Variants in CSF1R observed in about 807,000 individuals in gnomAD.
CSF1R encodes the protein macrophage colony-stimulating factor 1 receptor.
Under a neutral mutation model 110.0 loss-of-function variants are expected in CSF1R, and 40 were observed. The ratio of observed to expected loss-of-function variants is 0.36; its 90% CI spans 0.28 to 0.47. CSF1R has a LOEUF of 0.47. Ranked by LOEUF, CSF1R falls within the 20% of genes least tolerant of loss-of-function variation. CSF1R has a pLI of 0.99. For missense variants in CSF1R, 1,052 were observed against 1,253.0 expected, an observed-to-expected ratio of 0.84 and a Z score of 2.42; for synonymous variants, 523 against 503.4, an observed-to-expected ratio of 1.04 and a Z score of -0.52.
At position 150,100,290 on chromosome 5, in the gene CSF1R, C is replaced by CTTTTTTTTT. The variant is rs752638971; in HGVS notation, c.-181+12962_-181+12970dup. ...AGTGAACCTAAGATCATTGGCTAAC[C>CTTTTTTTTT]TTTTTTTTTTTTTTTTTTTTTTTCT... is the stretch of plus-strand genomic sequence containing the variant. On this transcript the variant is annotated intron_variant, in intron 1 of 21. Coordinates refer to the CSF1R transcript ENST00000286301. Among the ~76,000 whole-genome samples, 194 of 89,378 alleles carry CTTTTTTTTT rather than the reference C, an allele frequency of 2.2e-3. 39 individuals are homozygous for CTTTTTTTTT. Among genetic ancestry groups the CTTTTTTTTT allele is most frequent in the Non-Finnish European group, 2.6e-3 (124 of 48,172 alleles). 58.6% of individuals were successfully genotyped at this position (89,378 alleles called of 152,430 possible).
intron 1 of CSF1R, among the ~76,000 whole-genome samples, chr5:150,111,145 C>T (rs200210070): frequency 8.4e-4 from 128 of 152,310 alleles, no homozygotes; most frequent in African/African-American, 2.9e-3. Context: ...CTGTTAGAGA[C>T]GGTGCCCTGA....
rs1440423597 is a variant in CSF1R at position 150,097,423 on chromosome 5, AAAG to A, written c.-180-10819_-180-10817del. On this transcript the variant is annotated intron_variant, in intron 1 of 21. Coordinates refer to the CSF1R transcript ENST00000286301. ...AAGAAGAAAGAAAGAAAAAAGAAAG[AAAG>A]AAAAGAAGAAGAAAGAAAAAAGAAA... 5.3e-5 allele frequency among the ~76,000 whole-genome samples: 8 copies of A among 151,998 alleles called. No individual in the cohort carries two copies. In the South Asian group the frequency reaches 1.5e-3, roughly 28 times the overall value.
chr5:150,054,332 C>T lies in CSF1R; in HGVS notation c.2753G>A (p.Arg918Lys). The T allele has an allele frequency of 6.2e-7, 1 of 1,614,180 alleles. No individual in the cohort carries two copies. Residue 918 changes from arginine to lysine, a missense_variant, in exon 20 of 21, where the codon AGG becomes AAG. Arg to Lys is a conservative substitution (Grantham distance 26). Transcript: ENST00000675795. ...CCTCACCCCACTCACCCGCTCTCTC[C>T]TGTCCTCTTGGGCCTGCTCCTGAAG... ...SFLQEQAQED[R>K]RERDYTNLPS... is the part of the protein sequence containing the mutation.
chr5:150,069,597 TGAGTTA>T (rs1757937573), intron 9 of CSF1R, among the ~76,000 whole-genome samples: 1 of 151,838 alleles, frequency 6.6e-6, no homozygotes, highest in South Asian at 2.1e-4. Flanking sequence ...AATAGATGCA[TGAGTTA>T]GAGTGCAGGG....
At position 150,078,231 on chromosome 5, in the gene CSF1R, C is replaced by G. The variant is rs201523105; in HGVS notation, c.610G>C (p.Ala204Pro). 5 of 1,614,092 alleles carry G rather than the reference C, an allele frequency of 3.1e-6. No individual in the cohort carries two copies. Among genetic ancestry groups the G allele is most frequent in the Non-Finnish European group, 4.2e-6 (5 of 1,179,992 alleles). Residue 204 changes from alanine (A) to proline (P), a missense_variant, in exon 4 of 21, where the codon GCC becomes CCC. Around this residue, in one of 5 missense-constraint regions of CSF1R, gnomAD observed 693 missense variants for 735.4 expected, o/e 0.94. Coordinates refer to ENST00000675795, the MANE Select transcript of CSF1R (RefSeq NM_001288705.3). Reference sequence around the variant, plus strand: ...AGCTCTGCAGGCACCAGTGTCAAGGCTGGGGGCCCTGGGATGACTGAGACC... The same window carrying G: ...AGCTCTGCAGGCACCAGTGTCAAGGGTGGGGGCCCTGGGATGACTGAGACC... ...KVQKVIPGPP[A>P]LTLVPAELVR...
Position 150,080,107 on chromosome 5 carries a change from G to T in CSF1R, c.537C>A (p.Ala179=), listed in dbSNP as rs1758459709. ...FIQSQDYQCS[A]LMGGRKVMSI... The stretch of plus-strand genomic sequence containing the variant: ...ACATCACCTTCCTGCCACCCATCAG[G>T]GCACTGCATTGATAGTCCTGGCTCT... Residue 179 remains alanine (A), a synonymous_variant, in exon 3 of 21, where the codon GCC becomes GCA. Transcript: ENST00000675795. The T allele has an allele frequency of 2.5e-6, 4 of 1,614,052 alleles. No homozygotes were observed. The highest frequency in any genetic ancestry group is 1.1e-5 in the South Asian group (1 of 91,090).
At position 150,057,559 on chromosome 5, in the gene CSF1R, G is replaced by A. The variant is rs376570011; in HGVS notation, c.2166C>T (p.Thr722=). 64 of 1,614,090 alleles carry A rather than the reference G, an allele frequency of 4.0e-5. No homozygotes were observed. Among genetic ancestry groups the A allele is most frequent in the Admixed American group, 3.3e-5 (2 of 60,016 alleles). The change falls in exon 15 of 21, where the codon ACC becomes ACT. Residue 722 remains threonine (T), a synonymous_variant. Transcript: ENST00000675795. ...TGGAGACAGGCCTCATCTCCACATAGGTGTCCACACCCTGGCTGGAGAAGC... is the reference window on the plus strand; with the variant it reads ...TGGAGACAGGCCTCATCTCCACATAAGTGTCCACACCCTGGCTGGAGAAGC... ...DSGFSSQGVD[T]YVEMRPVSTS...
Position 150,059,715 on chromosome 5 carries a change from T to C in CSF1R, c.2117A>G (p.Lys706Arg), listed in dbSNP as rs771145383. The change falls in exon 14 of 21, where the codon AAG becomes AGG. Residue 706 changes from lysine to arginine, a missense_variant. Physicochemically the swap from Lys to Arg is conservative, Grantham distance 26. Transcript: ENST00000675795. ...CAGGGGCTACCTGCGGACATATTTC[T>C]TCTCGAGGTGGATGTTCTTATAGTC... is the stretch of plus-strand genomic sequence containing the variant. ...GVDYKNIHLE[K>R]KYVRRDSGFS... 10 of 1,613,864 alleles carry C rather than the reference T, an allele frequency of 6.2e-6. No individual in the cohort carries two copies.
At chr5:150,073,209 A>G in intron 6 of CSF1R, 92 bp downstream of exon 6, 1 of 1,307,150 alleles carries the variant, frequency 7.7e-7, no homozygotes, top group Middle Eastern at 2.7e-4. Flanking sequence ...GTCATACACC[A>G]AGGTTGGGAC....
chr5:150,054,639 G>T, intron 19 of CSF1R: 1 of 518,952 alleles, frequency 1.9e-6, no homozygotes, highest in Non-Finnish European at 3.4e-6. Flanking sequence ...CCCTCATTCT[G>T]ACAGATGAGG....
rs2113824012 is a variant in CSF1R at position 150,077,298 on chromosome 5, G to A, written c.867C>T (p.Thr289=). 6.2e-7 allele frequency: 1 copy of A among 1,614,234 alleles called. No individual in the cohort carries two copies. The highest frequency in any genetic ancestry group is 1.3e-5 in the African/African-American group (1 of 75,054). ...VASNVQGKHS[T]SMFFRVVESA... is the part of the protein sequence containing the mutation. ...TACCTACCACCCGGAAGAACATGGA[G>A]GTGGAGTGCTTGCCCTGCACGTTGC... is the stretch of plus-strand genomic sequence containing the variant. The change falls in exon 5 of 21, where the codon ACC becomes ACT. Residue 289 remains threonine (T), a synonymous_variant. Transcript: ENST00000675795.
At position 150,070,554 on chromosome 5, in the gene CSF1R, G is replaced by A. The variant is rs568352098; in HGVS notation, c.1100C>T (p.Ser367Phe). Reference sequence around the variant, plus strand: ...CTCAGAGGGCTTCAGGCGGGGCAGAGAGAGGGTGAAGGTGTGCCTGCAGGA... The same window carrying A: ...CTCAGAGGGCTTCAGGCGGGGCAGAAAGAGGGTGAAGGTGTGCCTGCAGGA... The part of the protein sequence containing the change: ...KDTYRHTFTL[S>F]LPRLKPSEAG... The change falls in exon 7 of 21, where the codon TCT becomes TTT. Residue 367 changes from serine to phenylalanine, a missense_variant. Physicochemically the swap from Ser to Phe is radical, Grantham distance 155. Around this residue, in one of 5 missense-constraint regions of CSF1R, gnomAD observed 693 missense variants for 735.4 expected, o/e 0.94. Transcript: ENST00000675795. 3 of 1,541,224 alleles carry A rather than the reference G, an allele frequency of 1.9e-6. 1 individual carries two copies. In the South Asian group the frequency reaches 3.7e-5, roughly 19 times the overall value.
chr5:150,090,666 A>G (rs1157152205), upstream of CSF1R, among the ~76,000 whole-genome samples: 1 of 152,260 alleles, frequency 6.6e-6, no homozygotes, highest in African/African-American at 2.4e-5. Flanking sequence ...ATTTTAAAAA[A>G]GAATGAAAGT....
chr5:150,112,300 G>A (rs769735181), intron 1 of CSF1R, among the ~76,000 whole-genome samples: 2 of 152,262 alleles, frequency 1.3e-5, no homozygotes, highest in Non-Finnish European at 2.9e-5. Context: ...ATAATAGTAG[G>A]ACTCAGGTCA....
chr5:150,070,789 GT>G (rs554248750), intron 6 of CSF1R, among the ~76,000 whole-genome samples: 1 of 152,180 alleles, frequency 6.6e-6, no homozygotes, highest in Non-Finnish European at 1.5e-5. Flanking sequence ...ATCTGAAAGT[GT>G]TTTTTTCCCG....
At chr5:150,072,317 A>T (rs373566920) in intron 6 of CSF1R, among the ~76,000 whole-genome samples, 27 of 152,182 alleles carry the variant, frequency 1.8e-4, no homozygotes, top group East Asian at 1.7e-3. Flanking sequence ...AACATGGTGA[A>T]ACTCTGTCTC....
intron 2 of CSF1R, 94 bp from the exon 3 acceptor site, chr5:150,080,430 G>C: frequency 6.8e-7 from 1 of 1,476,284 alleles, no homozygotes; most frequent in Non-Finnish European, 9.1e-7. Context: ...CAGAGAGGCT[G>C]ATCATTCATC....
At chr5:150,101,630 C>T (rs769051694) in intron 1 of CSF1R, among the ~76,000 whole-genome samples, 2 of 151,806 alleles carry the variant, frequency 1.3e-5, no homozygotes, top group Non-Finnish European at 1.5e-5. Flanking sequence ...TGGCAATCCC[C>T]TCCCACTCCT....
In CSF1R at chr5:150,061,401, T is replaced by C. The variant is rs181088737; in HGVS notation, c.1858+90A>G. On this transcript the variant is annotated intron_variant, in intron 12 of 20. Transcript: ENST00000675795. ...TCCCCCAGGCTTCAACAGGTTGAAATGTGTGTGATGCCTCTTGTGACACCA... is the reference window on the plus strand; with the variant it reads ...TCCCCCAGGCTTCAACAGGTTGAAACGTGTGTGATGCCTCTTGTGACACCA... 3,625 of 1,147,902 alleles carry C rather than the reference T, an allele frequency of 3.2e-3. 14 individuals carry two copies. The highest frequency in any genetic ancestry group is 3.7e-3 in the Non-Finnish European group (2,979 of 803,088). 71.1% of individuals were successfully genotyped at this position (1,147,902 alleles called of 1,614,324 possible).
Sources: allele counts gnomAD v4.1 joint callset (sites outside exome capture counted in the v4.1 genomes callset), GRCh38; gene constraint gnomAD v4.1.1; regional missense constraint gnomAD v4.1.1; transcripts MANE v1.5; gene names NCBI Gene and HGNC (gene_info 2026-07-23, HGNC 2026-07-21).